The following PCDHA7 variants were observed in gnomAD, a reference collection of about 807,000 sequenced individuals.
PCDHA7 encodes the protein protocadherin alpha-7.
Under a neutral mutation model 57.2 loss-of-function variants are expected in PCDHA7, and 37 were observed. The observed-to-expected ratio is 0.65, with a 90% CI of 0.50 to 0.85. PCDHA7 has a LOEUF of 0.85. Ranked by LOEUF, PCDHA7 falls within the 40% of genes least tolerant of loss-of-function variation. PCDHA7 has a pLI of 0.00. For synonymous variants in PCDHA7, 553 were observed against 558.8 expected, an observed-to-expected ratio of 0.99 and a Z score of 0.15; for missense variants, 1,188 against 1,241.8, an observed-to-expected ratio of 0.96 and a Z score of 0.65.
At position 140,944,452 on chromosome 5, in the gene PCDHA7, G is replaced by A. The variant is rs147335783; in HGVS notation, c.2356-34497G>A. 1.8e-3 allele frequency among the ~76,000 whole-genome samples: 280 copies of A among 152,282 alleles called. 3 individuals are homozygous for A. Among genetic ancestry groups the A allele is most frequent in the African/African-American group, 6.4e-3 (266 of 41,552 alleles). ...TCTGCCTGCCTCGGCCTCCCAAAGTGCTGGGATTACAGGTATGAGGCACTG... is the reference window on the plus strand; with the variant it reads ...TCTGCCTGCCTCGGCCTCCCAAAGTACTGGGATTACAGGTATGAGGCACTG... On this transcript the variant is annotated intron_variant, in intron 1 of 3. Coordinates refer to ENST00000525929, the MANE Select transcript of PCDHA7 (RefSeq NM_018910.3).
intron 1 of PCDHA7, chr5:140,861,573 G>T: frequency 2.7e-6 from 1 of 368,992 alleles, no homozygotes. Context: ...GCTGCTACAG[G>T]TTTTCCATGT....
At chr5:141,000,414 TATA>T (rs1563651539) in intron 3 of PCDHA7, among the ~76,000 whole-genome samples, 16 of 99,530 alleles carry the variant, frequency 1.6e-4, no homozygotes, top group African/African-American at 2.5e-4. Flanking sequence ...TATATATATA[TATA>T]TATATTTTTT....
At chr5:140,984,612 G>T (rs2097111075) in intron 3 of PCDHA7, among the ~76,000 whole-genome samples, 1 of 152,026 alleles carries the variant, frequency 6.6e-6, no homozygotes, top group Admixed American at 6.6e-5. Flanking sequence ...CTGCATCAGT[G>T]GTGTAAAGTT....
intron 1 of PCDHA7, chr5:140,855,837 C>A (rs2043640312): frequency 3.3e-6 from 2 of 610,842 alleles, no homozygotes; most frequent in Non-Finnish European, 5.6e-6. Flanking sequence ...ATCGTACTTA[C>A]ACCTAAAGCC....
intron 1 of PCDHA7, chr5:140,858,330 G>A: frequency 6.3e-7 from 1 of 1,596,082 alleles, no homozygotes. Context: ...TCTGGGGAGG[G>A]CCTGCCCAAG....
chr5:140,982,499 C>T lies in PCDHA7; in HGVS notation c.2439C>T (p.Gly813=). The T allele has an allele frequency of 6.2e-7, 1 of 1,614,184 alleles. No individual in the cohort carries two copies. The highest frequency in any genetic ancestry group is 8.5e-7 in the Non-Finnish European group (1 of 1,180,024). The part of the protein sequence containing the change: ...MHSSVHLEEA[G]ILRAGPGGPD... Reference sequence around the variant, plus strand: ...GCTCTGTGCACCTAGAGGAGGCTGGCATTCTACGGGCTGGTCCAGGAGGGC... The same window carrying T: ...GCTCTGTGCACCTAGAGGAGGCTGGTATTCTACGGGCTGGTCCAGGAGGGC... The change falls in exon 3 of 4, where the codon GGC becomes GGT. Residue 813 remains glycine (G), a synonymous_variant. Transcript: ENST00000525929.
chr5:140,967,495 C>G, intron 1 of PCDHA7: 1 of 1,613,306 alleles, frequency 6.2e-7, no homozygotes. Flanking sequence ...CGGCACAGAT[C>G]TCTGTGCGTG....
intron 1 of PCDHA7, among the ~76,000 whole-genome samples, chr5:140,904,640 C>T (rs1484010152): frequency 6.6e-6 from 1 of 152,046 alleles, no homozygotes; most frequent in Non-Finnish European, 1.5e-5. Flanking sequence ...GGAATCTCCA[C>T]ACTGTTTTCC....
rs782371814 is a variant in PCDHA7 at position 140,882,829 on chromosome 5, G to A, written c.2355+46091G>A. On this transcript the variant is annotated intron_variant, in intron 1 of 3. Transcript: ENST00000525929. Reference sequence around the variant, plus strand: ...CTTTGGACGCACAAAACAGTCTTGAGCAAATGTCTTCATTATCACTTGTAC... The same window carrying A: ...CTTTGGACGCACAAAACAGTCTTGAACAAATGTCTTCATTATCACTTGTAC... The A allele has an allele frequency of 5.6e-6, 9 of 1,614,206 alleles. No homozygotes were observed. The South Asian group carries it at 8.8e-5, about 16-fold the overall frequency.
At chr5:140,875,966 ACT>A (rs782792514) in intron 1 of PCDHA7, 11 of 1,613,922 alleles carry the variant, frequency 6.8e-6, no homozygotes, top group Admixed American at 6.7e-5. Context: ...ATCGGCGTAA[ACT>A]CTCTTTTGAC....
chr5:140,946,631 T>TATATATATATATATATATACAC lies in PCDHA7; in HGVS notation c.2356-32317_2356-32316insTATATATATATATATATACACA, dbSNP rs57893927. Among the ~76,000 whole-genome samples the TATATATATATATATATATACAC allele has an allele frequency of 6.1e-4, 80 of 131,840 alleles. 1 individual carries two copies. The East Asian group carries it at 6.6e-3, about 11-fold the overall frequency. The allele number at this position is 131,840 out of a possible 152,430, so 86.5% of individuals were successfully genotyped here. A position where few individuals can be genotyped will look rare whatever the true frequency, so the allele number is the denominator to read the frequency against. ...TGTGAAATATATATATATATATATATACAATGGAATACTCATCAGCCATTA... is the reference window on the plus strand; with the variant it reads ...TGTGAAATATATATATATATATATATATATATATATATATATATACACACAATGGAATACTCATCAGCCATTA... On this transcript the variant is annotated intron_variant, in intron 1 of 3. Transcript: ENST00000525929.
chr5:140,857,611 G>A (rs987659739), intron 1 of PCDHA7: 1 of 1,596,436 alleles, frequency 6.3e-7, no homozygotes, highest in Admixed American at 1.7e-5. Flanking sequence ...CGCTGCAGCC[G>A]CTGGACCACG....
chr5:140,898,040 GT>G (rs1301370622), intron 1 of PCDHA7, among the ~76,000 whole-genome samples: 7 of 151,970 alleles, frequency 4.6e-5, no homozygotes, highest in Non-Finnish European at 8.8e-5. Flanking sequence ...GGGGTTGTTT[GT>G]TTTTTTCTTG....
Position 140,849,905 on chromosome 5 carries a change from G to A in PCDHA7, c.2355+13167G>A, listed in dbSNP as rs2150456926. On this transcript the variant is annotated intron_variant, in intron 1 of 3. Coordinates refer to ENST00000525929, the MANE Select transcript of PCDHA7 (RefSeq NM_018910.3). The stretch of plus-strand genomic sequence containing the variant: ...TGTTCGTGAAGGAGAACAACCCGCC[G>A]GGCTGCCACATCTTCACGGTGTCTG... The A allele has an allele frequency of 3.4e-5, 55 of 1,598,312 alleles. 1 individual carries two copies. The highest frequency in any genetic ancestry group is 3.5e-4 in the Middle Eastern group (2 of 5,794).
intron 1 of PCDHA7, among the ~76,000 whole-genome samples, chr5:140,974,729 G>C (rs1007565470): frequency 2.6e-5 from 4 of 152,032 alleles, no homozygotes; most frequent in African/African-American, 9.7e-5. Flanking sequence ...TCGAACTCCT[G>C]TCTCCACCTT....
At chr5:140,848,291 G>A (rs2150408103) in intron 1 of PCDHA7, 336,332 of 624,962 alleles carry the variant, frequency 0.54, 101,055 homozygotes, top group South Asian at 0.62. Context: ...TACACTTTGG[G>A]CCACGTGATG....
intron 1 of PCDHA7, chr5:140,929,850 G>T: frequency 6.5e-6 from 1 of 154,348 alleles, no homozygotes. Flanking sequence ...GAGGAGGAAG[G>T]AGTCAGAGAA....
chr5:140,871,386 G>A lies in PCDHA7; in HGVS notation c.2355+34648G>A, dbSNP rs782650816. The A allele has an allele frequency of 3.1e-6, 5 of 1,614,058 alleles. No individual in the cohort carries two copies. In the South Asian group the frequency reaches 4.4e-5, roughly 14 times the overall value. ...GGCGGCAGAGGGTGTGCTCTGAGGA[G>A]GGCCCACCTAAGACGGACCTCATGG... On this transcript the variant is annotated intron_variant, in intron 1 of 3. Coordinates refer to ENST00000525929, the MANE Select transcript of PCDHA7 (RefSeq NM_018910.3).
intron 1 of PCDHA7, chr5:140,843,825 C>T: frequency 8.4e-7 from 1 of 1,188,044 alleles, no homozygotes; most frequent in Non-Finnish European, 1.2e-6. Flanking sequence ...AAAATTTAAA[C>T]ATTGTTTAGT....
Sources: gnomAD v4.1 joint callset for allele counts (sites outside exome capture counted in the v4.1 genomes callset) on GRCh38, gnomAD v4.1.1 for gene constraint, MANE v1.5 for transcripts, NCBI Gene and HGNC (gene_info 2026-07-23, HGNC 2026-07-21) for gene names.